RAPGEFL1: variants seen among roughly 807,000 people sequenced by gnomAD.
The protein encoded by RAPGEFL1 is Rap guanine nucleotide exchange factor like 1.
In RAPGEFL1, 31 loss-of-function variants were observed where a neutral mutation model predicts 64.4. That is an observed-to-expected ratio of 0.48 (90% CI 0.36 to 0.65). The LOEUF (loss-of-function observed/expected upper bound fraction) is 0.65, where lower values mean the gene tolerates loss of function less well. RAPGEFL1 is among the 30% of genes least tolerant of loss of function. RAPGEFL1 has a pLI of 0.00. For synonymous variants in RAPGEFL1, 331 were observed against 274.1 expected, an observed-to-expected ratio of 1.21 and a Z score of -2.05; for missense variants, 682 against 677.4, an observed-to-expected ratio of 1.01 and a Z score of -0.08.
rs763119373 is a variant in RAPGEFL1 at position 40,188,916 on chromosome 17, G to A, written c.884G>A (p.Arg295His). The change falls in exon 5 of 15, where the codon CGC (arginine) becomes CAC (histidine). Residue 295 changes from arginine (R) to histidine (H), a missense_variant. Physicochemically the swap from Arg to His is conservative, Grantham distance 29 (BLOSUM62 0). Transcript: ENST00000620260. ...PPSKQVKPLF[R>H]HFRRIDSCLQ... is the part of the protein sequence containing the mutation. ...AGCAAGCAGGTGAAGCCACTCTTCCGCCACTTCCGCCGGATAGACTCCTGT... is the reference window on the plus strand; with the variant it reads ...AGCAAGCAGGTGAAGCCACTCTTCCACCACTTCCGCCGGATAGACTCCTGT... 1.9e-5 allele frequency: 31 copies of A among 1,614,036 alleles called. No individual in the cohort carries two copies. Among genetic ancestry groups the A allele is most frequent in the Middle Eastern group, 1.6e-4 (1 of 6,084 alleles).
intron 10 of RAPGEFL1, 97 bp from the exon 11 acceptor site, chr17:40,192,116 C>G: frequency 8.8e-7 from 1 of 1,136,210 alleles, no homozygotes; most frequent in East Asian, 2.4e-5. Context: ...GCCATGCAGG[C>G]CCTTTTGCCC....
At chr17:40,180,857 C>T (rs997681713) in intron 1 of RAPGEFL1, among the ~76,000 whole-genome samples, 14 of 152,244 alleles carry the variant, frequency 9.2e-5, no homozygotes, top group Non-Finnish European at 1.3e-4. Flanking sequence ...GTGAGGACAC[C>T]TGGCTCCCTC....
Position 40,178,431 on chromosome 17 carries a change from C to G in RAPGEFL1, c.520+50C>G, listed in dbSNP as rs958708646. The G allele has an allele frequency of 1.9e-5, 9 of 468,918 alleles. No homozygotes were observed. In the Admixed American group the frequency reaches 2.0e-4, roughly 11 times the overall value. 29.0% of individuals were successfully genotyped at this position (468,918 alleles called of 1,614,324 possible). A position where few individuals can be genotyped will look rare whatever the true frequency, so the allele number is the denominator to read the frequency against. On this transcript the variant is annotated intron_variant, in intron 1 of 14. Transcript: ENST00000620260. Reference sequence around the variant, plus strand: ...CCCAGAGCAGGGGCTGGCCCCGGCTCCTCTTCCTTGCCCTTGGAGCGTAGG... The same window carrying G: ...CCCAGAGCAGGGGCTGGCCCCGGCTGCTCTTCCTTGCCCTTGGAGCGTAGG...
intron 1 of RAPGEFL1, among the ~76,000 whole-genome samples, chr17:40,180,652 G>A (rs1270568704): frequency 6.6e-6 from 1 of 152,186 alleles, no homozygotes; most frequent in Non-Finnish European, 1.5e-5. Context: ...TCCAGCTCCA[G>A]GCAAGTCCCT....
intron 2 of RAPGEFL1, among the ~76,000 whole-genome samples, 186 bp from the exon 3 acceptor site, chr17:40,184,028 G>C (rs2145206850): frequency 6.6e-6 from 1 of 151,802 alleles, no homozygotes; most frequent in South Asian, 2.1e-4. Context: ...ATTTTTAGTA[G>C]AGTCTTCGTT....
At chr17:40,183,047 C>T (rs373448227) in intron 2 of RAPGEFL1, among the ~76,000 whole-genome samples, 55 of 152,128 alleles carry the variant, frequency 3.6e-4, no homozygotes, top group African/African-American at 1.3e-3. Flanking sequence ...ACTCAGGAAC[C>T]TGAGGCAGGA....
At position 40,178,152 on chromosome 17, in the gene RAPGEFL1, CG is replaced by C; in HGVS notation, c.297del (p.Cys101AlafsTer37). The C allele has an allele frequency of 9.1e-6, 5 of 549,846 alleles. No individual in the cohort carries two copies. The highest frequency in any genetic ancestry group is 4.2e-5 in the South Asian group (2 of 47,212). 34.1% of individuals were successfully genotyped at this position (549,846 alleles called of 1,614,324 possible). On this transcript the variant is annotated frameshift_variant, in exon 1 of 15. Coordinates refer to ENST00000620260, the MANE Select transcript of RAPGEFL1 (RefSeq NM_016339.6). LOFTEE classifies it high-confidence loss of function. ...PAGVAEEPGS[G>X]GPCWLQLEEV... ...CGGGGGTCGCGGAGGAGCCGGGCAG[CG>C]GGGGGCCCTGCTGGCTGCAGCTGGA...
chr17:40,186,694 G>A (rs1990089450), intron 4 of RAPGEFL1, among the ~76,000 whole-genome samples: 1 of 145,360 alleles, frequency 6.9e-6, no homozygotes, highest in African/African-American at 2.5e-5. Context: ...AAGAGATCGA[G>A]ACCATCCTGG....
intron 13 of RAPGEFL1, 67 bp downstream of exon 13, chr17:40,193,057 T>A: frequency 1.4e-6 from 2 of 1,410,208 alleles, no homozygotes; most frequent in Non-Finnish European, 2.0e-6. Flanking sequence ...CCCTCTCTCA[T>A]CACCTCCCAA....
chr17:40,190,325 AGAATGTG>A (rs1162609044), intron 6 of RAPGEFL1, 102 bp from the exon 7 acceptor site: 4 of 817,622 alleles, frequency 4.9e-6, no homozygotes, highest in African/African-American at 1.7e-5. Context: ...CCATTAGTCT[AGAATGTG>A]TCAGTGTGGG....
In RAPGEFL1 at chr17:40,184,595, A is replaced by T; in HGVS notation, c.750A>T (p.Leu250=). The change falls in exon 4 of 15, where the codon CTA becomes CTT. Residue 250 remains leucine (L), a synonymous_variant. Coordinates refer to ENST00000620260, the MANE Select transcript of RAPGEFL1 (RefSeq NM_016339.6). ...CCTCTCTCCAGGATCTATACCTGCT[A>T]ATTATGAAGGACGAGTCCCTTTACC... The part of the protein sequence containing the change: ...AGHIIKDLYL[L]IMKDESLYQG... 2 of 1,555,726 alleles carry T rather than the reference A, an allele frequency of 1.3e-6. No homozygotes were observed. The highest frequency in any genetic ancestry group is 1.8e-6 in the Non-Finnish European group (2 of 1,134,766).
At chr17:40,193,637 G>C in intron 14 of RAPGEFL1, 27 bp from the exon 15 acceptor site, 1 of 1,613,862 alleles carries the variant, frequency 6.2e-7, no homozygotes, top group Non-Finnish European at 8.5e-7. Flanking sequence ...CTGGGAACCT[G>C]ACTGCCTCTC....
At chr17:40,180,186 TCA>T (rs1220550720) in intron 1 of RAPGEFL1, among the ~76,000 whole-genome samples, 3 of 152,042 alleles carry the variant, frequency 2.0e-5, no homozygotes, top group Non-Finnish European at 2.9e-5. Flanking sequence ...AAGCTGGGGG[TCA>T]GAGCTGGAGG....
At chr17:40,193,210 C>G (rs989744589) in intron 13 of RAPGEFL1, among the ~76,000 whole-genome samples, 153 bp from the exon 14 acceptor site, 25 of 152,324 alleles carry the variant, frequency 1.6e-4, no homozygotes, top group African/African-American at 5.8e-4. Context: ...TCACATGGCA[C>G]TCTGTTACAC....
chr17:40,182,919 G>C (rs560157284), intron 2 of RAPGEFL1, among the ~76,000 whole-genome samples: 1 of 152,140 alleles, frequency 6.6e-6, no homozygotes, highest in African/African-American at 2.4e-5. Flanking sequence ...AGGCTGGGGC[G>C]GGTGGATCAC....
Position 40,180,498 on chromosome 17 carries a change from A to G in RAPGEFL1, c.521-1118A>G, listed in dbSNP as rs114736543. ...CTCCTCCCAGGGTGTGTGGGAGGAG[A>G]GAACTTACAGAAGTTACTCTGAACC... On this transcript the variant is annotated intron_variant, in intron 1 of 14. Transcript: ENST00000620260. 3.9e-3 allele frequency among the ~76,000 whole-genome samples: 601 copies of G among 152,200 alleles called. 2 individuals carry two copies. Among genetic ancestry groups the G allele is most frequent in the African/African-American group, 0.014 (571 of 41,508 alleles).
intron 11 of RAPGEFL1, 133 bp from the exon 12 acceptor site, chr17:40,192,473 A>T: frequency 2.1e-6 from 2 of 930,592 alleles, no homozygotes; most frequent in East Asian, 2.4e-5. Flanking sequence ...TCCCCACCAC[A>T]CCATTAGAAA....
chr17:40,186,272 CAA>C (rs1402480728), intron 4 of RAPGEFL1, among the ~76,000 whole-genome samples: 8 of 46,712 alleles, frequency 1.7e-4, no homozygotes, highest in Non-Finnish European at 1.3e-4. Context: ...GACTCCGTCT[CAA>C]AAAAAAAAAA....
At chr17:40,186,274 A>G (rs916381919) in intron 4 of RAPGEFL1, among the ~76,000 whole-genome samples, 1 of 145,892 alleles carries the variant, frequency 6.9e-6, no homozygotes, top group Non-Finnish European at 1.5e-5. Context: ...CTCCGTCTCA[A>G]AAAAAAAAAA....
Sources: allele counts gnomAD v4.1 joint callset (sites outside exome capture counted in the v4.1 genomes callset), GRCh38; gene constraint gnomAD v4.1.1; transcripts MANE v1.5; gene names NCBI Gene and HGNC (gene_info 2026-07-23, HGNC 2026-07-21).